Variants in G6PC3 observed in about 807,000 individuals in gnomAD.
The protein encoded by G6PC3 is glucose-6-phosphatase 3.
In G6PC3, 30 loss-of-function variants were observed where a neutral mutation model predicts 38.6. The observed-to-expected ratio is 0.78, with a 90% CI of 0.58 to 1.05. The LOEUF (loss-of-function observed/expected upper bound fraction) is 1.05, where lower values mean the gene tolerates loss of function less well. Ranked by LOEUF, G6PC3 falls within the 50% of genes least tolerant of loss-of-function variation. The pLI is 0.00. For synonymous variants in G6PC3, 192 were observed against 178.1 expected, an observed-to-expected ratio of 1.08 and a Z score of -0.62; for missense variants, 377 against 443.1, an observed-to-expected ratio of 0.85 and a Z score of 1.34.
chr17:44,072,792 C>T (rs2050007092), intron 1 of G6PC3: 1 of 151,910 alleles, frequency 6.6e-6, no homozygotes, highest in Admixed American at 6.6e-5. Context: ...CACCCACCAC[C>T]ACGCCCGGCT....
rs1179998136 is a variant in G6PC3 at position 44,070,800 on chromosome 17, G to A, written c.-166G>A. ...TACCGGCTGGAGGCCGGTCTTGCAG[G>A]AGCGGGGGACTGCTGGGGGCGGGGC... On this transcript the variant is annotated 5_prime_UTR_variant, in exon 1 of 6. Coordinates refer to ENST00000269097, the MANE Select transcript of G6PC3 (RefSeq NM_138387.4). 2.7e-6 allele frequency: 2 copies of A among 748,466 alleles called. No individual in the cohort carries two copies. Among genetic ancestry groups the A allele is most frequent in the Non-Finnish European group, 2.3e-6 (1 of 436,048 alleles). 46.4% of individuals were successfully genotyped at this position (748,466 alleles called of 1,614,324 possible).
chr17:44,074,710 G>T lies in G6PC3; in HGVS notation c.356G>T (p.Gly119Val). The T allele has an allele frequency of 6.2e-7, 1 of 1,614,052 alleles. No individual in the cohort carries two copies. The change falls in exon 3 of 6, where the codon GGA becomes GTA. Residue 119 changes from glycine to valine, a missense_variant. Coordinates refer to ENST00000269097, the MANE Select transcript of G6PC3 (RefSeq NM_138387.4). The part of the protein sequence containing the change: ...GSPSGHCMIT[G>V]AALWPIMTAL... Reference sequence around the variant, plus strand: ...CCTTCTGGACACTGCATGATCACAGGAGCAGCCCTCTGGCCCATAATGACG... The same window carrying T: ...CCTTCTGGACACTGCATGATCACAGTAGCAGCCCTCTGGCCCATAATGACG...
intron 1 of G6PC3, chr17:44,071,842 G>C: frequency 2.3e-6 from 1 of 431,346 alleles, no homozygotes; most frequent in Non-Finnish European, 4.7e-6. Flanking sequence ...AGTAAAGTTT[G>C]GGCTAAAGCA....
Position 44,076,129 on chromosome 17 carries a change from C to T in G6PC3, c.*86C>T. ...CTCCAGGAGGCAGCCCCATCCCCTT[C>T]CAGCCCCTAAGTAGGCCCTCCCCTC... On this transcript the variant is annotated 3_prime_UTR_variant, in exon 6 of 6. Transcript: ENST00000269097. The T allele has an allele frequency of 6.4e-7, 1 of 1,565,832 alleles. No individual in the cohort carries two copies. Among genetic ancestry groups the T allele is most frequent in the Non-Finnish European group, 8.7e-7 (1 of 1,148,584 alleles).
At position 44,071,039 on chromosome 17, in the gene G6PC3, T is replaced by C. The variant is rs1459965462; in HGVS notation, c.74T>C (p.Val25Ala). Residue 25 changes from valine (V) to alanine (A), a missense_variant, in exon 1 of 6, where the codon GTG (valine) becomes GCG (alanine). Physicochemically the swap from Val to Ala is moderately conservative, Grantham distance 64. Transcript: ENST00000269097. Reference sequence around the variant, plus strand: ...AACCAGCTAGCCTGGCTGGAGAACGTGTGGCTCTGGATCACCTTTCTGGGC... The same window carrying C: ...AACCAGCTAGCCTGGCTGGAGAACGCGTGGCTCTGGATCACCTTTCTGGGC... ...LQNQLAWLEN[V>A]WLWITFLGDP... 6.3e-7 allele frequency: 1 copy of C among 1,597,724 alleles called. No homozygotes were observed. Among genetic ancestry groups the C allele is most frequent in the Non-Finnish European group, 8.5e-7 (1 of 1,171,582 alleles).
At chr17:44,071,592 C>T (rs1417230230) in intron 1 of G6PC3, 5 of 1,229,472 alleles carry the variant, frequency 4.1e-6, no homozygotes, top group South Asian at 2.6e-5. Flanking sequence ...CTCACTTTTT[C>T]ATTCATGTAT....
intron 1 of G6PC3, 62 bp from the exon 2 acceptor site, chr17:44,074,098 C>T: frequency 1.7e-6 from 2 of 1,176,266 alleles, no homozygotes; most frequent in South Asian, 2.4e-5. Flanking sequence ...GTCCTGCCCG[C>T]CTTGTACCCC....
rs754281595 is a variant in G6PC3, at chr17:44,074,285, TC to T, written c.325+20del. The T allele has an allele frequency of 1.3e-6, 2 of 1,558,496 alleles. No individual in the cohort carries two copies. The highest frequency in any genetic ancestry group is 3.3e-5 in the Admixed American group (2 of 59,934). ...GGTCCAGGTGGGAAGCCTCAAACATTCTCCCTTTCCCAATGTGGTTAGGGTT... is the reference window on the plus strand; with the variant it reads ...GGTCCAGGTGGGAAGCCTCAAACATTTCCCTTTCCCAATGTGGTTAGGGTT... On this transcript the variant is annotated intron_variant, in intron 2 of 5. Transcript: ENST00000269097.
intron 5 of G6PC3, 107 bp from the exon 6 acceptor site, chr17:44,075,573 C>G: frequency 6.3e-7 from 1 of 1,599,302 alleles, no homozygotes; most frequent in Non-Finnish European, 8.5e-7. Context: ...CATAGACCCT[C>G]ACAGGCACAA....
chr17:44,070,920 T>C lies in G6PC3; in HGVS notation c.-46T>C. The C allele has an allele frequency of 1.3e-6, 2 of 1,541,728 alleles. No homozygotes were observed. The highest frequency in any genetic ancestry group is 1.7e-6 in the Non-Finnish European group (2 of 1,146,384). ...CGCTGCTTCGTTGCCTGGACTCTGG[T>C]TTCCGCCCTGGAGCAAGCCGGGGCC... On this transcript the variant is annotated 5_prime_UTR_variant, in exon 1 of 6. Transcript: ENST00000269097.
At position 44,074,956 on chromosome 17, in the gene G6PC3, C is replaced by G; in HGVS notation, c.417-13C>G. The G allele has an allele frequency of 6.2e-7, 1 of 1,609,512 alleles. No individual in the cohort carries two copies. Among genetic ancestry groups the G allele is most frequent in the Non-Finnish European group, 8.5e-7 (1 of 1,175,740 alleles). On this transcript the variant is annotated splice_polypyrimidine_tract_variant and intron_variant, in intron 3 of 5. Transcript: ENST00000269097. ...TGGACACGCTCTGAGCTCCTTGCCTCTCTTCTTTCTAGCCGCTGGGTAAGG... is the reference window on the plus strand; with the variant it reads ...TGGACACGCTCTGAGCTCCTTGCCTGTCTTCTTTCTAGCCGCTGGGTAAGG...
chr17:44,075,252 G>T, intron 4 of G6PC3, 58 bp from the exon 5 acceptor site: 1 of 1,608,524 alleles, frequency 6.2e-7, no homozygotes. Flanking sequence ...CTGGGGGTCG[G>T]GGTGGGGAGG....
chr17:44,075,228 A>C, intron 4 of G6PC3, 82 bp from the exon 5 acceptor site: 1 of 1,569,624 alleles, frequency 6.4e-7, no homozygotes, highest in South Asian at 1.1e-5. Context: ...TTCTCTTGCC[A>C]AGCTGCACTG....
rs374226299 is a variant in G6PC3 at position 44,076,088 on chromosome 17, C to T, written c.*45C>T. ...TCCTTTCCCTCCCACAAAGCCAACA[C>T]TCTGTGACCACCACACTCCAGGAGG... On this transcript the variant is annotated 3_prime_UTR_variant, in exon 6 of 6. Coordinates refer to ENST00000269097, the MANE Select transcript of G6PC3 (RefSeq NM_138387.4). The T allele has an allele frequency of 1.1e-5, 17 of 1,607,258 alleles. No homozygotes were observed. The highest frequency in any genetic ancestry group is 1.0e-4 in the Admixed American group (6 of 60,000).
rs757568546 is a variant in G6PC3 at position 44,075,774 on chromosome 17, G to T, written c.772G>T (p.Ala258Ser). 1.2e-6 allele frequency: 2 copies of T among 1,612,232 alleles called. No individual in the cohort carries two copies. The highest frequency in any genetic ancestry group is 1.3e-5 in the African/African-American group (1 of 75,036). Residue 258 changes from alanine to serine, a missense_variant, in exon 6 of 6, where the codon GCC becomes TCC. Physicochemically the swap from Ala to Ser is moderately conservative, Grantham distance 99 (BLOSUM62 1). Coordinates refer to ENST00000269097, the MANE Select transcript of G6PC3 (RefSeq NM_138387.4). Reference protein sequence around the residue: ...FASLSRDSGAALGLGIALHSP... With the variant: ...FASLSRDSGASLGLGIALHSP... ...CTCCCTGAGCCGTGACTCAGGGGCT[G>T]CCCTGGGCCTGGGCATTGCCTTGCA...
In G6PC3 at chr17:44,074,156, C is replaced by A. The variant is rs1378892385; in HGVS notation, c.219-4C>A. 11 of 1,606,242 alleles carry A rather than the reference C, an allele frequency of 6.8e-6. No homozygotes were observed. The African/African-American group carries it at 1.5e-4, about 22-fold the overall frequency. On this transcript the variant is annotated splice_polypyrimidine_tract_variant and splice_region_variant and intron_variant, in intron 1 of 5. Transcript: ENST00000269097. ...AAAGTCATCTTGCATCTGTTCTCTT[C>A]CAGGTTTCTTTTTGGAGACAGGCCC...
intron 1 of G6PC3, chr17:44,071,695 G>A (rs1465791154): frequency 8.0e-7 from 1 of 1,244,860 alleles, no homozygotes; most frequent in African/African-American, 1.5e-5. Context: ...TTAAGGTGTG[G>A]TCCCTGGACC....
chr17:44,075,766 CAG>C lies in G6PC3; in HGVS notation c.765_766del (p.Ala257CysfsTer129), dbSNP rs748931188. ...CCCTTTGCCTCCCTGAGCCGTGACT[CAG>C]GGGCTGCCCTGGGCCTGGGCATTGC... On this transcript the variant is annotated frameshift_variant, in exon 6 of 6. Transcript: ENST00000269097. LOFTEE classifies it high-confidence loss of function. 1.7e-5 allele frequency: 28 copies of C among 1,612,424 alleles called. No homozygotes were observed. The highest frequency in any genetic ancestry group is 4.0e-5 in the African/African-American group (3 of 74,928).
chr17:44,074,236 C>T lies in G6PC3; in HGVS notation c.295C>T (p.Gln99Ter). 1 of 1,613,838 alleles carries T rather than the reference C, an allele frequency of 6.2e-7. No individual in the cohort carries two copies. Among genetic ancestry groups the T allele is most frequent in the Non-Finnish European group, 8.5e-7 (1 of 1,179,730 alleles). The change falls in exon 2 of 6, where the codon CAG becomes TAG. Residue 99 changes from glutamine to a stop codon, truncating the protein, a stop_gained. Transcript: ENST00000269097. LOFTEE classifies it high-confidence loss of function. ...CAGCCAGGCTCCAGCCCAGGTTCACCAGTTCCCCTCTTCTTGTGAGACTGG... is the reference window on the plus strand; with the variant it reads ...CAGCCAGGCTCCAGCCCAGGTTCACTAGTTCCCCTCTTCTTGTGAGACTGG... ...YYSQAPAQVH[Q>*]FPSSCETGPG...
Sources: gnomAD v4.1 joint callset for allele counts on GRCh38, gnomAD v4.1.1 for gene constraint, MANE v1.5 for transcripts, NCBI Gene and HGNC (gene_info 2026-07-23, HGNC 2026-07-21) for gene names.